Variants in LRRN3 observed in about 807,000 individuals in gnomAD.
The protein encoded by LRRN3 is leucine rich repeat neuronal 3.
LRRN3 carries 15 observed loss-of-function variants against 40.1 expected under a neutral mutation model. The ratio of observed to expected loss-of-function variants is 0.37; its 90% confidence interval spans 0.25 to 0.58. The LOEUF is 0.58. Ranked by LOEUF, LRRN3 falls within the 20% of genes least tolerant of loss-of-function variation. The pLI is 0.72. For missense variants in LRRN3, 746 were observed against 837.7 expected (o/e 0.89, Z 1.35); for synonymous variants, 308 against 297.2 (o/e 1.04, Z -0.37).
At chr7:111,101,757 G>A (rs556735859) in intron 2 of LRRN3, among the ~76,000 whole-genome samples, 2 of 151,450 alleles carry the variant, frequency 1.3e-5, no homozygotes, top group African/African-American at 4.8e-5. Flanking sequence ...GGACCTGACT[G>A]GGACATTCAA....
chr7:111,105,879 T>G (rs1414512750), intron 2 of LRRN3, among the ~76,000 whole-genome samples: 1 of 151,942 alleles, frequency 6.6e-6, no homozygotes, highest in African/African-American at 2.4e-5. Context: ...GACAGCTCTT[T>G]TAGCCAGTTT....
chr7:111,118,442 T>C (rs1465492467), intron 2 of LRRN3, among the ~76,000 whole-genome samples: 2 of 152,070 alleles, frequency 1.3e-5, no homozygotes, highest in Admixed American at 6.5e-5. Flanking sequence ...GAATTGGATA[T>C]ATAAGATATG....
chr7:111,109,107 T>C (rs1798882321), intron 2 of LRRN3, among the ~76,000 whole-genome samples: 1 of 152,182 alleles, frequency 6.6e-6, no homozygotes, highest in African/African-American at 2.4e-5. Context: ...GGGGATATTT[T>C]AAGTAAGGTG....
rs79158380 is a variant in LRRN3 at position 111,121,081 on chromosome 7, T to C, written c.-358-1334T>C. ...AAGATTTGAAATAACAGAAAACTTCTGGAAACACATTCATTAAAATAATAA... is the reference window on the plus strand; with the variant it reads ...AAGATTTGAAATAACAGAAAACTTCCGGAAACACATTCATTAAAATAATAA... On this transcript the variant is annotated intron_variant, in intron 2 of 2. Coordinates refer to ENST00000308478, the MANE Select transcript of LRRN3 (RefSeq NM_001099658.2). 3.0e-4 allele frequency among the ~76,000 whole-genome samples: 45 copies of C among 152,356 alleles called. No individual in the cohort carries two copies. The East Asian group carries it at 8.7e-3, about 29-fold the overall frequency.
intron 2 of LRRN3, among the ~76,000 whole-genome samples, chr7:111,113,471 C>T (rs1001567636): frequency 6.6e-6 from 1 of 152,002 alleles, no homozygotes; most frequent in African/African-American, 2.4e-5. Context: ...AAGCATAAGG[C>T]AGCATACTTG....
At position 111,123,756 on chromosome 7, in the gene LRRN3, T is replaced by A; in HGVS notation, c.984T>A (p.Asn328Lys). 1 of 1,613,916 alleles carries A rather than the reference T, an allele frequency of 6.2e-7. No homozygotes were observed. The highest frequency in any genetic ancestry group is 8.5e-7 in the Non-Finnish European group (1 of 1,179,944). ...NNPRLSYIHPNAFFRLPKLES... is the reference protein window; with the variant it reads ...NNPRLSYIHPKAFFRLPKLES... The stretch of plus-strand genomic sequence containing the variant: ...CTAGATTGTCTTACATTCACCCCAA[T>A]GCATTTTTCAGACTCCCCAAGCTGG... Residue 328 changes from asparagine (N) to lysine (K), a missense_variant, in exon 3 of 3, where the codon AAT becomes AAA. Transcript: ENST00000308478. This position sits in a 1 kb window ranked among gnomAD's most constrained non-coding sequence, Gnocchi z 6.4.
rs770938973 is a variant in LRRN3, at chr7:111,123,906, G to C, written c.1134G>C (p.Trp378Cys). ...NPIRCDCVIRWMNMNKTNIRF... is the reference protein window; with the variant it reads ...NPIRCDCVIRCMNMNKTNIRF... ...TCAGGTGTGACTGTGTCATCCGTTG[G>C]ATGAACATGAACAAAACCAACATTC... The change falls in exon 3 of 3, where the codon TGG becomes TGC. Residue 378 changes from tryptophan to cysteine, a missense_variant. Physicochemically the swap from Trp to Cys is radical, Grantham distance 215. Coordinates refer to ENST00000308478, the MANE Select transcript of LRRN3 (RefSeq NM_001099658.2). The surrounding 1 kb of genome is among the most constrained non-coding windows in gnomAD (Gnocchi z 6.4). 1 of 1,613,992 alleles carries C rather than the reference G, an allele frequency of 6.2e-7. No individual in the cohort carries two copies. The highest frequency in any genetic ancestry group is 8.5e-7 in the Non-Finnish European group (1 of 1,179,992).
At chr7:111,103,145 T>C (rs1450210982) in intron 2 of LRRN3, among the ~76,000 whole-genome samples, 1 of 151,622 alleles carries the variant, frequency 6.6e-6, no homozygotes, top group Non-Finnish European at 1.5e-5. Context: ...CTATTAGACT[T>C]TGTTTCCTGC....
At chr7:111,095,762 T>C (rs966627906) in intron 1 of LRRN3, among the ~76,000 whole-genome samples, 67 of 152,148 alleles carry the variant, frequency 4.4e-4, no homozygotes, top group African/African-American at 1.6e-3. Context: ...GGTTTCACTG[T>C]AAATAATTTA....
At position 111,102,036 on chromosome 7, in the gene LRRN3, C is replaced by T. The variant is rs182084298; in HGVS notation, c.-359+2074C>T. Among the ~76,000 whole-genome samples, 38 of 150,660 alleles carry T rather than the reference C, an allele frequency of 2.5e-4. No individual in the cohort carries two copies. In the East Asian group the frequency reaches 6.1e-3, roughly 24 times the overall value. ...CAAATGAGGGCCATGCAGAAACTGC[C>T]GCCAATATGATTAATGAGTGAACTC... On this transcript the variant is annotated intron_variant, in intron 2 of 2. Coordinates refer to ENST00000308478, the MANE Select transcript of LRRN3 (RefSeq NM_001099658.2).
Position 111,125,113 on chromosome 7 carries a change from T to A in LRRN3, c.*214T>A. On this transcript the variant is annotated 3_prime_UTR_variant, in exon 3 of 3. Transcript: ENST00000308478. The stretch of plus-strand genomic sequence containing the variant: ...AAGTAACTGGCTTCAAGGGGTACTG[T>A]GGCAACCAAATAAAATAACTCCATT... 1 of 451,278 alleles carries A rather than the reference T, an allele frequency of 2.2e-6. No homozygotes were observed. Among genetic ancestry groups the A allele is most frequent in the Non-Finnish European group, 4.0e-6 (1 of 249,352 alleles). 28.0% of individuals were successfully genotyped at this position (451,278 alleles called of 1,614,324 possible).
At chr7:111,098,476 A>G (rs1350177361) in intron 1 of LRRN3, among the ~76,000 whole-genome samples, 2 of 151,834 alleles carry the variant, frequency 1.3e-5, no homozygotes, top group East Asian at 3.9e-4. Flanking sequence ...AATCAAAGTA[A>G]TGATGAATTA....
intron 2 of LRRN3, among the ~76,000 whole-genome samples, chr7:111,100,753 G>A (rs1797885766): frequency 6.6e-6 from 1 of 151,294 alleles, no homozygotes; most frequent in African/African-American, 2.4e-5. Flanking sequence ...AAATATCATG[G>A]TTGAATTCCA....
chr7:111,107,756 T>C (rs527512151), intron 2 of LRRN3, among the ~76,000 whole-genome samples: 76 of 152,230 alleles, frequency 5.0e-4, no homozygotes, highest in African/African-American at 1.7e-3. Flanking sequence ...TGGCTAATAA[T>C]GAACTCCCAA....
chr7:111,124,978 A>G lies in LRRN3; in HGVS notation c.*79A>G, dbSNP rs918141683. 9.7e-7 allele frequency: 1 copy of G among 1,026,650 alleles called. No individual in the cohort carries two copies. Among genetic ancestry groups the G allele is most frequent in the Non-Finnish European group, 1.4e-6 (1 of 714,034 alleles). The allele number at this position is 1,026,650 out of a possible 1,614,324, so 63.6% of individuals were successfully genotyped here. On this transcript the variant is annotated 3_prime_UTR_variant, in exon 3 of 3. Transcript: ENST00000308478. The stretch of plus-strand genomic sequence containing the variant: ...ACTGCAGTTGTGCTAAAAACAAAAC[A>G]AAACAAACAAACAAACAAAAAAGTA...
intron 1 of LRRN3, among the ~76,000 whole-genome samples, chr7:111,099,559 G>T (rs1289944673): frequency 6.6e-6 from 1 of 151,642 alleles, no homozygotes; most frequent in African/African-American, 2.4e-5. Context: ...GCTATCAGGG[G>T]AGTCCTTCAA....
At chr7:111,096,101 A>G (rs1215634793) in intron 1 of LRRN3, among the ~76,000 whole-genome samples, 1 of 152,034 alleles carries the variant, frequency 6.6e-6, no homozygotes, top group Admixed American at 6.6e-5. Context: ...TATAAACACA[A>G]TAATTGTGAA....
intron 1 of LRRN3, among the ~76,000 whole-genome samples, chr7:111,098,093 A>C (rs577646545): frequency 6.6e-6 from 1 of 151,870 alleles, no homozygotes; most frequent in East Asian, 1.9e-4. Flanking sequence ...AAGAACATAT[A>C]AACTTTGAAA....
rs1586426260 is a variant in LRRN3, at chr7:111,122,633, A to C, written c.-140A>C. 1.5e-6 allele frequency: 1 copy of C among 664,338 alleles called. No individual in the cohort carries two copies. The highest frequency in any genetic ancestry group is 2.0e-5 in the South Asian group (1 of 48,802). The allele number at this position is 664,338 out of a possible 1,614,324, so 41.2% of individuals were successfully genotyped here. A position where few individuals can be genotyped will look rare whatever the true frequency, so the allele number is the denominator to read the frequency against. On this transcript the variant is annotated 5_prime_UTR_variant, in exon 3 of 3. It removes the in-frame stop codon of an upstream open reading frame in the 5' UTR. Transcript: ENST00000308478. ...TGTGGCACTGGCACTTATTTCAGTGAAGAAAAACTTTGTGGTTCTATGGCA... is the reference window on the plus strand; with the variant it reads ...TGTGGCACTGGCACTTATTTCAGTGCAGAAAAACTTTGTGGTTCTATGGCA...
Sources: gnomAD v4.1 joint callset for allele counts (sites outside exome capture counted in the v4.1 genomes callset) on GRCh38, gnomAD v4.1.1 for gene constraint, Gnocchi (gnomAD v3.1) non-coding constraint, MANE v1.5 for transcripts, NCBI Gene and HGNC (gene_info 2026-07-23, HGNC 2026-07-21) for gene names.